The following KIF26B variants were observed in gnomAD, a reference collection of about 807,000 sequenced individuals.
KIF26B encodes the protein kinesin-like protein KIF26B.
A neutral mutation model predicts 151.2 loss-of-function variants in KIF26B; 63 were observed. The ratio of observed to expected loss-of-function variants is 0.42; its 90% confidence interval spans 0.34 to 0.51. The LOEUF (loss-of-function observed/expected upper bound fraction) is 0.51, where lower values mean the gene tolerates loss of function less well. Among genes scored for constraint, KIF26B ranks in the 20% least tolerant of loss-of-function variants. The pLI is 0.07. For missense variants in KIF26B, 2,813 were observed against 2,913.6 expected, an observed-to-expected ratio of 0.97 and a Z score of 0.79; for synonymous variants, 1,357 against 1,262.1, an observed-to-expected ratio of 1.08 and a Z score of -1.59.
chr1:245,183,878 C>T (rs1212510221), intron 2 of KIF26B, among the ~76,000 whole-genome samples: 3 of 151,914 alleles, frequency 2.0e-5, no homozygotes, highest in Non-Finnish European at 4.4e-5. Context: ...GCACAGCTGC[C>T]AAGCAGGTTG....
intron 4 of KIF26B, among the ~76,000 whole-genome samples, chr1:245,481,354 C>T (rs771405774): frequency 6.6e-6 from 1 of 151,852 alleles, no homozygotes; most frequent in African/African-American, 2.4e-5. Context: ...GTCAATCTGT[C>T]TAGAGAACAA....
At position 245,540,618 on chromosome 1, in the gene KIF26B, G is replaced by C. The variant is rs750502950; in HGVS notation, c.1167-149G>C. On this transcript the variant is annotated intron_variant, in intron 4 of 14. Coordinates refer to ENST00000407071, the MANE Select transcript of KIF26B (RefSeq NM_018012.4). The surrounding 1 kb of genome is among the most constrained non-coding windows in gnomAD (Gnocchi z 4.6). The stretch of plus-strand genomic sequence containing the variant: ...CGTTAACTTCACTCTGTTATAGTAA[G>C]GGACTGCTACAGAGGACACTGAGCA... 3 of 782,762 alleles carry C rather than the reference G, an allele frequency of 3.8e-6. No homozygotes were observed. In the South Asian group the frequency reaches 4.2e-5, roughly 11 times the overall value. The allele number at this position is 782,762 out of a possible 1,614,324, so 48.5% of individuals were successfully genotyped here. A position where few individuals can be genotyped will look rare whatever the true frequency, so the allele number is the denominator to read the frequency against.
chr1:245,224,639 G>C (rs1669839651), intron 2 of KIF26B, among the ~76,000 whole-genome samples: 1 of 152,216 alleles, frequency 6.6e-6, no homozygotes, highest in Non-Finnish European at 1.5e-5. Context: ...CAATTTTTCT[G>C]ACAAGATTGG....
At chr1:245,284,934 G>T (rs1002314602) in intron 2 of KIF26B, among the ~76,000 whole-genome samples, 2 of 152,234 alleles carry the variant, frequency 1.3e-5, no homozygotes, top group Admixed American at 1.3e-4. Flanking sequence ...AGCTGCTCAG[G>T]AGGCTGAGGC....
intron 2 of KIF26B, among the ~76,000 whole-genome samples, chr1:245,336,107 T>C (rs1478629445): frequency 8.3e-6 from 1 of 120,106 alleles, no homozygotes; most frequent in Non-Finnish European, 1.7e-5. Flanking sequence ...GAAAGGAGGG[T>C]CCCACGCAGG....
At chr1:245,303,313 C>T (rs1165693997) in intron 2 of KIF26B, among the ~76,000 whole-genome samples, 1 of 150,204 alleles carries the variant, frequency 6.7e-6, no homozygotes, top group Non-Finnish European at 1.5e-5. Flanking sequence ...ATTCTCCTGC[C>T]TCAGCCTCCC....
chr1:245,294,321 C>A (rs1001765722), intron 2 of KIF26B, among the ~76,000 whole-genome samples: 3 of 152,194 alleles, frequency 2.0e-5, no homozygotes, highest in African/African-American at 7.2e-5. Flanking sequence ...AGGCAAGAAG[C>A]AAAGCATGAG....
intron 4 of KIF26B, among the ~76,000 whole-genome samples, chr1:245,450,619 A>G (rs1448271310): frequency 6.6e-6 from 1 of 152,162 alleles, no homozygotes; most frequent in Non-Finnish European, 1.5e-5. Flanking sequence ...TTGTGACTTC[A>G]TCTTCTCATT....
chr1:245,629,690 A>T (rs553346537), intron 9 of KIF26B, among the ~76,000 whole-genome samples: 1 of 152,316 alleles, frequency 6.6e-6, no homozygotes, highest in South Asian at 2.1e-4. Flanking sequence ...AGAGGCAAAG[A>T]CTTCATGAAG....
intron 2 of KIF26B, among the ~76,000 whole-genome samples, chr1:245,298,697 C>T (rs1220762075): frequency 1.3e-5 from 2 of 152,224 alleles, no homozygotes; most frequent in African/African-American, 4.8e-5. Context: ...GAATAGCTGA[C>T]AAGCTATGCT....
intron 3 of KIF26B, among the ~76,000 whole-genome samples, chr1:245,418,800 T>C (rs530220539): frequency 1.3e-5 from 2 of 152,326 alleles, no homozygotes; most frequent in Admixed American, 1.3e-4. Flanking sequence ...ATTAGCACTT[T>C]TCAAAAGTGT....
At chr1:245,354,995 G>T (rs192963746) in intron 2 of KIF26B, among the ~76,000 whole-genome samples, 6 of 152,140 alleles carry the variant, frequency 3.9e-5, no homozygotes, top group African/African-American at 1.4e-4. Context: ...ATCTCGGCTC[G>T]CTGCAACCTA....
chr1:245,702,741 G>A lies in KIF26B; in HGVS notation c.*135G>A, dbSNP rs983372221. 3.0e-6 allele frequency: 3 copies of A among 1,005,644 alleles called. No individual in the cohort carries two copies. Among genetic ancestry groups the A allele is most frequent in the African/African-American group, 1.6e-5 (1 of 62,408 alleles). 62.3% of individuals were successfully genotyped at this position (1,005,644 alleles called of 1,614,324 possible). A position where few individuals can be genotyped will look rare whatever the true frequency, so the allele number is the denominator to read the frequency against. On this transcript the variant is annotated 3_prime_UTR_variant, in exon 15 of 15. Coordinates refer to ENST00000407071, the MANE Select transcript of KIF26B (RefSeq NM_018012.4). This position sits in a 1 kb window ranked among gnomAD's most constrained non-coding sequence, Gnocchi z 4.1. ...GGTTGGTGGCAAGTCTGGAGCGGGC[G>A]TTGAGCGGAAGGCGAGTTTTCTTTT...
chr1:245,286,561 G>A (rs781300529), intron 2 of KIF26B, among the ~76,000 whole-genome samples: 8 of 151,874 alleles, frequency 5.3e-5, no homozygotes, highest in Non-Finnish European at 1.2e-4. Context: ...ACAATAAAAC[G>A]TGTCAAACTC....
intron 4 of KIF26B, among the ~76,000 whole-genome samples, chr1:245,482,424 A>G (rs1030253178): frequency 1.3e-5 from 2 of 151,832 alleles, no homozygotes; most frequent in African/African-American, 4.8e-5. Flanking sequence ...TCCAATGAGT[A>G]ATCCTTTATA....
chr1:245,270,920 G>C (rs1467545275), intron 2 of KIF26B, among the ~76,000 whole-genome samples: 1 of 152,158 alleles, frequency 6.6e-6, no homozygotes, highest in African/African-American at 2.4e-5. Flanking sequence ...AATCCATTTT[G>C]AGTTGAGGTT....
chr1:245,181,528 CCA>C (rs202207087), intron 2 of KIF26B, among the ~76,000 whole-genome samples: 1 of 61,752 alleles, frequency 1.6e-5, no homozygotes, highest in Non-Finnish European at 4.5e-5. Flanking sequence ...AAAAAAAAAG[CCA>C]AAAAAAAAAA....
chr1:245,410,773 T>C lies in KIF26B; in HGVS notation c.1000-8806T>C, dbSNP rs571272361. On this transcript the variant is annotated intron_variant, in intron 3 of 14. Coordinates refer to ENST00000407071, the MANE Select transcript of KIF26B (RefSeq NM_018012.4). ...TTATTGTGGTAAAATATATATAACC[T>C]AAAATTTACCATCTTCACCATTTTT... Among the ~76,000 whole-genome samples, 13 of 152,278 alleles carry C rather than the reference T, an allele frequency of 8.5e-5. No homozygotes were observed. The South Asian group carries it at 2.5e-3, about 29-fold the overall frequency.
In KIF26B at chr1:245,698,082, C is replaced by T; in HGVS notation, c.5825-24C>T. Reference sequence around the variant, plus strand: ...AAATTGAAATTCAGAAAGACTAACTCTCTGGGCTTATCCCCCTCCTCAGGT... The same window carrying T: ...AAATTGAAATTCAGAAAGACTAACTTTCTGGGCTTATCCCCCTCCTCAGGT... On this transcript the variant is annotated intron_variant, in intron 12 of 14. Coordinates refer to ENST00000407071, the MANE Select transcript of KIF26B (RefSeq NM_018012.4). This position sits in a 1 kb window ranked among gnomAD's most constrained non-coding sequence, Gnocchi z 4.0. 1 of 1,600,566 alleles carries T rather than the reference C, an allele frequency of 6.2e-7. No individual in the cohort carries two copies.
Sources: gnomAD v4.1 joint callset for allele counts (sites outside exome capture counted in the v4.1 genomes callset) on GRCh38, gnomAD v4.1.1 for gene constraint, Gnocchi (gnomAD v3.1) non-coding constraint, MANE v1.5 for transcripts, NCBI Gene and HGNC (gene_info 2026-07-23, HGNC 2026-07-21) for gene names.